Variants in OSR1 observed in about 807,000 individuals in gnomAD.
The protein encoded by OSR1 is odd-skipped related transcription factor 1.
A neutral mutation model predicts 15.7 loss-of-function variants in OSR1; 3 were observed. The observed-to-expected ratio is 0.19, with a 90% CI of 0.09 to 0.50. The LOEUF (loss-of-function observed/expected upper bound fraction) is 0.50. OSR1 is among the 20% of genes least tolerant of loss of function. The pLI is 0.97. For missense variants in OSR1, 271 were observed against 351.1 expected (o/e 0.77, Z 1.82); for synonymous variants, 166 against 152.7 (o/e 1.09, Z -0.64).
At chr2:19,347,942 G>C (rs1664760611), downstream of OSR1, among the ~76,000 whole-genome samples, 1 of 152,240 alleles carries the variant, frequency 6.6e-6, no homozygotes, top group Non-Finnish European at 1.5e-5. Context: ...CTGAGTTTGT[G>C]ATCCCCAAAA....
intron 1 of OSR1, chr2:19,358,057 C>G (rs908474932): frequency 2.0e-5 from 3 of 152,394 alleles, no homozygotes; most frequent in Admixed American, 6.5e-5. Flanking sequence ...CCGTGGGCAC[C>G]TCGCCCGTGA....
downstream of OSR1, chr2:19,348,415 A>G (rs1444691617): frequency 3.2e-5 from 5 of 154,220 alleles, no homozygotes; most frequent in South Asian, 2.0e-4. Flanking sequence ...TGTGGACCTC[A>G]TTCAAGCCTT....
chr2:19,353,461 C>A lies in OSR1; in HGVS notation c.345G>T (p.Pro115=), dbSNP rs45587636. 858 of 1,613,972 alleles carry A rather than the reference C, an allele frequency of 5.3e-4. 1 individual carries two copies. The African/African-American group carries it at 0.01, about 19-fold the overall frequency. ...GGSVPALKTK[P]RFDFANLALA... ...AGGCCAGGTTGGCAAAATCAAAGCG[C>A]GGCTTGGTCTTGAGCGCTGGAACGC... Residue 115 remains proline (P), a synonymous_variant, in exon 2 of 3, where the codon CCG becomes CCT. Transcript: ENST00000272223.
downstream of OSR1, among the ~76,000 whole-genome samples, chr2:19,349,319 G>T (rs900898994): frequency 6.6e-6 from 1 of 152,132 alleles, no homozygotes; most frequent in African/African-American, 2.4e-5. Context: ...TACTGTTTCT[G>T]CACAGTCTAT....
At position 19,353,091 on chromosome 2, in the gene OSR1, G is replaced by A. The variant is rs1412732345; in HGVS notation, c.665+50C>T. 5.7e-6 allele frequency: 9 copies of A among 1,588,782 alleles called. No individual in the cohort carries two copies. The Middle Eastern group carries it at 5.5e-4, about 96-fold the overall frequency. On this transcript the variant is annotated intron_variant, in intron 2 of 2. Transcript: ENST00000272223. Reference sequence around the variant, plus strand: ...AAGAACCTCGTTAGGGAGAAAGATGGTGAGGCCAGAGGCAGAGAGCTCTCT... The same window carrying A: ...AAGAACCTCGTTAGGGAGAAAGATGATGAGGCCAGAGGCAGAGAGCTCTCT...
intron 2 of OSR1, 87 bp downstream of exon 2, chr2:19,353,054 G>C: frequency 2.7e-6 from 4 of 1,477,774 alleles, no homozygotes; most frequent in Non-Finnish European, 3.7e-6. Flanking sequence ...CTTGGAGCCA[G>C]TAGGGGGTCT....
In OSR1 at chr2:19,353,945, C is replaced by G. The variant is rs1307476981; in HGVS notation, c.-32-108G>C. 4 of 918,824 alleles carry G rather than the reference C, an allele frequency of 4.4e-6. No homozygotes were observed. The African/African-American group carries it at 5.0e-5, about 12-fold the overall frequency. The allele number at this position is 918,824 out of a possible 1,614,324, so 56.9% of individuals were successfully genotyped here. A position where few individuals can be genotyped will look rare whatever the true frequency, so the allele number is the denominator to read the frequency against. On this transcript the variant is annotated intron_variant, in intron 1 of 2. Coordinates refer to ENST00000272223, the MANE Select transcript of OSR1 (RefSeq NM_145260.3). The stretch of plus-strand genomic sequence containing the variant: ...AGCCACACCCTCTCCTCACACCCAG[C>G]GCAGGAGCTAAGAGTCTAAGACCCC...
chr2:19,347,025 T>G (rs1572256617), downstream of OSR1, among the ~76,000 whole-genome samples: 1 of 152,184 alleles, frequency 6.6e-6, no homozygotes, highest in East Asian at 1.9e-4. Flanking sequence ...ATTAATCCAT[T>G]GCTCCCTACG....
chr2:19,349,760 A>G (rs996808616), downstream of OSR1, among the ~76,000 whole-genome samples: 6 of 152,100 alleles, frequency 3.9e-5, no homozygotes, highest in African/African-American at 1.2e-4. Context: ...CAAGGATAGC[A>G]TCCCAGAAAG....
chr2:19,345,877 T>A, the OSR1 span, among the ~76,000 whole-genome samples: 1 of 152,234 alleles, frequency 6.6e-6, no homozygotes, highest in Non-Finnish European at 1.5e-5. Context: ...GTGGACCAAA[T>A]GCCCAAGCAA....
downstream of OSR1, among the ~76,000 whole-genome samples, chr2:19,350,890 A>G (rs950005660): frequency 6.6e-6 from 1 of 152,130 alleles, no homozygotes; most frequent in African/African-American, 2.4e-5. Context: ...ACAAGTCCCA[A>G]GCAGAGAATT....
At chr2:19,345,534 T>C in the OSR1 span, among the ~76,000 whole-genome samples, 2 of 152,148 alleles carry the variant, frequency 1.3e-5, no homozygotes, top group Non-Finnish European at 2.9e-5. Flanking sequence ...CTAGCCAGTT[T>C]TCCCAGCACC....
At chr2:19,353,952 G>A in intron 1 of OSR1, 115 bp from the exon 2 acceptor site, 1 of 875,266 alleles carries the variant, frequency 1.1e-6, no homozygotes, top group Non-Finnish European at 1.7e-6. Context: ...CAGCGCAGGA[G>A]CTAAGAGTCT....
intron 2 of OSR1, among the ~76,000 whole-genome samples, chr2:19,352,742 C>G (rs1027869846): frequency 6.6e-6 from 1 of 152,076 alleles, no homozygotes; most frequent in East Asian, 1.9e-4. Context: ...CCTGCGCTGT[C>G]GAAGATGGTA....
At position 19,353,582 on chromosome 2, in the gene OSR1, G is replaced by A. The variant is rs762748716; in HGVS notation, c.224C>T (p.Thr75Met). 1.8e-5 allele frequency: 29 copies of A among 1,614,080 alleles called. No individual in the cohort carries two copies. The highest frequency in any genetic ancestry group is 5.0e-5 in the Admixed American group (3 of 60,014). Residue 75 changes from threonine (T) to methionine (M), a missense_variant, in exon 2 of 3, where the codon ACG becomes ATG. By Grantham distance (81) the Thr-to-Met change is moderately conservative. This residue lies in a region of OSR1 where 210 missense variants were observed against 218.4 expected (regional missense o/e 0.96). Coordinates refer to ENST00000272223, the MANE Select transcript of OSR1 (RefSeq NM_145260.3). ...GCGCGCATCCACCAAGCTGGACACCGTGCCCGGCACTTTGGAGAAAGAAGA... is the reference window on the plus strand; with the variant it reads ...GCGCGCATCCACCAAGCTGGACACCATGCCCGGCACTTTGGAGAAAGAAGA... Reference protein sequence around the residue: ...PRSSFSKVPGTVSSLVDARFQ... With the variant: ...PRSSFSKVPGMVSSLVDARFQ...
At chr2:19,355,589 C>G (rs150640977) in intron 1 of OSR1, 3 of 152,254 alleles carry the variant, frequency 2.0e-5, no homozygotes, top group South Asian at 2.1e-4. Flanking sequence ...AGGAAAGAGG[C>G]CTTCCTGGGA....
At position 19,353,429 on chromosome 2, in the gene OSR1, G is replaced by A; in HGVS notation, c.377C>T (p.Ala126Val). ...GAGCTTGGCCGGATCTTCTTGCGTT[G>A]CTGCCAAGGCCAGGTTGGCAAAATC... ...RFDFANLALA[A>V]TQEDPAKLGR... Residue 126 changes from alanine to valine, a missense_variant, in exon 2 of 3, where the codon GCA becomes GTA. Around this residue, in one of 4 missense-constraint regions of OSR1, gnomAD observed 210 missense variants for 218.4 expected, o/e 0.96. Coordinates refer to ENST00000272223, the MANE Select transcript of OSR1 (RefSeq NM_145260.3). The A allele has an allele frequency of 1.9e-6, 3 of 1,614,120 alleles. No homozygotes were observed. The South Asian group carries it at 3.3e-5, about 18-fold the overall frequency.
downstream of OSR1, among the ~76,000 whole-genome samples, chr2:19,347,684 A>G (rs929519966): frequency 1.3e-5 from 2 of 152,164 alleles, no homozygotes; most frequent in Admixed American, 6.5e-5. Flanking sequence ...ACCGTCTGAG[A>G]GCTCTACCTC....
chr2:19,353,414 G>C lies in OSR1; in HGVS notation c.392C>G (p.Pro131Arg), dbSNP rs1193773342. 1 of 1,614,136 alleles carries C rather than the reference G, an allele frequency of 6.2e-7. No homozygotes were observed. Among genetic ancestry groups the C allele is most frequent in the South Asian group, 1.1e-5 (1 of 91,084 alleles). The change falls in exon 2 of 3, where the codon CCG becomes CGG. Residue 131 changes from proline (P) to arginine (R), a missense_variant. Around this residue, in one of 4 missense-constraint regions of OSR1, gnomAD observed 210 missense variants for 218.4 expected, o/e 0.96. Transcript: ENST00000272223. The stretch of plus-strand genomic sequence containing the variant: ...GCCCTCCCCGCGACCGAGCTTGGCC[G>C]GATCTTCTTGCGTTGCTGCCAAGGC... ...NLALAATQED[P>R]AKLGRGEGPG...
Sources: gnomAD v4.1 joint callset for allele counts (sites outside exome capture counted in the v4.1 genomes callset) on GRCh38, gnomAD v4.1.1 for gene constraint, gnomAD v4.1.1 regional missense constraint, MANE v1.5 for transcripts, NCBI Gene and HGNC (gene_info 2026-07-23, HGNC 2026-07-21) for gene names.